The following HELQ variants were observed in gnomAD, a reference collection of about 807,000 sequenced individuals.
HELQ encodes the protein helicase, POLQ like.
HELQ carries 77 observed loss-of-function variants against 111.6 expected under a neutral mutation model. That is an observed-to-expected ratio of 0.69 (90% confidence interval 0.57 to 0.83). HELQ has a LOEUF of 0.83. HELQ is among the 40% of genes least tolerant of loss of function. HELQ has a pLI of 0.00. For synonymous variants in HELQ, 438 were observed against 454.7 expected, an observed-to-expected ratio of 0.96 and a Z score of 0.47; for missense variants, 1,200 against 1,288.5, an observed-to-expected ratio of 0.93 and a Z score of 1.05.
chr4:83,441,733 T>C (rs1720766318), intron 6 of HELQ, among the ~76,000 whole-genome samples: 1 of 151,946 alleles, frequency 6.6e-6, no homozygotes. Context: ...TTTACTAAGG[T>C]ATCATCTGTT....
In HELQ at chr4:83,407,384, T is replaced by C; in HGVS notation, c.*69A>G. 1.0e-6 allele frequency: 1 copy of C among 972,944 alleles called. No individual in the cohort carries two copies. Among genetic ancestry groups the C allele is most frequent in the Non-Finnish European group, 1.5e-6 (1 of 650,232 alleles). 60.3% of individuals were successfully genotyped at this position (972,944 alleles called of 1,614,324 possible). On this transcript the variant is annotated 3_prime_UTR_variant, in exon 18 of 18. Coordinates refer to ENST00000295488, the MANE Select transcript of HELQ (RefSeq NM_133636.5). ...GAAATGTATTTTTTCATTTATAAAG[T>C]ATAAGTTATCTTTAATAACACACAT...
At chr4:83,424,128 T>C (rs995582401) in intron 14 of HELQ, among the ~76,000 whole-genome samples, 6 of 152,214 alleles carry the variant, frequency 3.9e-5, no homozygotes, top group South Asian at 4.1e-4. Context: ...TTTAAATATG[T>C]ATCAATTTGG....
In HELQ at chr4:83,455,443, G is replaced by A; in HGVS notation, c.251C>T (p.Pro84Leu). 2 of 1,614,140 alleles carry A rather than the reference G, an allele frequency of 1.2e-6. No homozygotes were observed. Among genetic ancestry groups the A allele is most frequent in the Non-Finnish European group, 1.7e-6 (2 of 1,180,008 alleles). Residue 84 changes from proline to leucine, a missense_variant, in exon 1 of 18, where the codon CCG (proline) becomes CTG (leucine). Pro to Leu is a moderately conservative substitution (Grantham distance 98). Transcript: ENST00000295488. ...CLVLGGGDTN[P>L]DLLRHMPTDR... is the part of the protein sequence containing the mutation. ...AGTGGGCATGTGACGTAGGAGGTCC[G>A]GGTTTGTATCACCACCTCCAAGGAC...
At chr4:83,433,595 G>A (rs975562307) in intron 9 of HELQ, among the ~76,000 whole-genome samples, 1 of 151,342 alleles carries the variant, frequency 6.6e-6, no homozygotes, top group Admixed American at 6.6e-5. Flanking sequence ...GAACCCAGGA[G>A]GCGGAGCTTG....
intron 17 of HELQ, among the ~76,000 whole-genome samples, chr4:83,411,297 C>T (rs1386073266): frequency 6.9e-6 from 1 of 144,612 alleles, no homozygotes; most frequent in Non-Finnish European, 1.5e-5. Flanking sequence ...TGCCTTTGAA[C>T]TTTTTTTTTT....
chr4:83,425,323 T>C (rs1719790022), intron 14 of HELQ, among the ~76,000 whole-genome samples: 1 of 144,830 alleles, frequency 6.9e-6, no homozygotes, highest in Non-Finnish European at 1.5e-5. Flanking sequence ...GGAAGGTAAC[T>C]AGGTTTCAAT....
chr4:83,451,242 C>T (rs1578106185), intron 2 of HELQ, among the ~76,000 whole-genome samples: 1 of 150,826 alleles, frequency 6.6e-6, no homozygotes, highest in East Asian at 1.9e-4. Context: ...CTCTAACTTG[C>T]AAAAAAAAAT....
intron 5 of HELQ, 67 bp downstream of exon 5, chr4:83,445,947 G>T (rs1432862301): frequency 2.9e-6 from 3 of 1,026,252 alleles, no homozygotes; most frequent in Non-Finnish European, 4.6e-6. Context: ...GCTAGTGATA[G>T]AATTAAGTAT....
Position 83,429,707 on chromosome 4 carries a change from C to T in HELQ, c.2335G>A (p.Gly779Ser), listed in dbSNP as rs1460753556. ...NLDDIYHFMNGTFFGVQQKVL... is the reference protein window; with the variant it reads ...NLDDIYHFMNSTFFGVQQKVL... ...TTTTGCTGAACACCAAAAAATGTAC[C>T]ATTCATGAAATGATAGATGTCATCA... Residue 779 changes from glycine to serine, a missense_variant, in exon 12 of 18, where the codon GGT becomes AGT. Coordinates refer to ENST00000295488, the MANE Select transcript of HELQ (RefSeq NM_133636.5). 1 of 1,613,090 alleles carries T rather than the reference C, an allele frequency of 6.2e-7. No homozygotes were observed. The highest frequency in any genetic ancestry group is 1.1e-5 in the South Asian group (1 of 90,972).
At chr4:83,431,572 C>A in intron 11 of HELQ, 92 bp downstream of exon 11, 1 of 469,014 alleles carries the variant, frequency 2.1e-6, no homozygotes, top group Non-Finnish European at 3.7e-6. Flanking sequence ...AGTATAAAAT[C>A]TACACAGTTG....
chr4:83,425,082 C>T (rs1033560339), intron 14 of HELQ, among the ~76,000 whole-genome samples: 1 of 151,658 alleles, frequency 6.6e-6, no homozygotes, highest in Non-Finnish European at 1.5e-5. Flanking sequence ...GAGTTTGAGA[C>T]CAGCCTGGCC....
chr4:83,431,607 T>G (rs894925880), intron 11 of HELQ, 57 bp downstream of exon 11: 15 of 779,738 alleles, frequency 1.9e-5, no homozygotes, highest in African/African-American at 5.5e-5. Context: ...TTGCATAACT[T>G]TTTAACCTCT....
chr4:83,422,568 G>C (rs1054237262), intron 14 of HELQ, among the ~76,000 whole-genome samples: 1 of 152,194 alleles, frequency 6.6e-6, no homozygotes, highest in East Asian at 1.9e-4. Context: ...ATAAGCCAAG[G>C]AACACCAAGG....
chr4:83,439,504 T>G (rs1185162666), intron 8 of HELQ, among the ~76,000 whole-genome samples: 1 of 151,798 alleles, frequency 6.6e-6, no homozygotes, highest in Non-Finnish European at 1.5e-5. Context: ...GGATTATAGG[T>G]GCAAGGCACC....
intron 1 of HELQ, among the ~76,000 whole-genome samples, chr4:83,454,578 T>TAAAAA (rs1414976411): frequency 6.7e-6 from 1 of 149,448 alleles, no homozygotes; most frequent in African/African-American, 2.5e-5. Flanking sequence ...CCCGGCTAAT[T>TAAAAA]AAGAAAAAAA....
intron 6 of HELQ, among the ~76,000 whole-genome samples, chr4:83,441,827 G>A (rs947990465): frequency 6.9e-6 from 1 of 145,108 alleles, no homozygotes; most frequent in African/African-American, 2.6e-5. Flanking sequence ...GGCTTGGAGT[G>A]CAGTAGCATG....
intron 17 of HELQ, among the ~76,000 whole-genome samples, chr4:83,415,316 C>T (rs1404215401): frequency 6.6e-6 from 1 of 152,094 alleles, no homozygotes; most frequent in Admixed American, 6.6e-5. Flanking sequence ...GCAATAAGAG[C>T]TGTTTTTGAA....
intron 16 of HELQ, among the ~76,000 whole-genome samples, 156 bp from the exon 17 acceptor site, chr4:83,417,021 T>A (rs1386922016): frequency 6.6e-6 from 1 of 152,186 alleles, no homozygotes; most frequent in African/African-American, 2.4e-5. Flanking sequence ...GAGGAATTTT[T>A]AAAAATGCAT....
intron 2 of HELQ, among the ~76,000 whole-genome samples, chr4:83,452,908 T>C (rs965953312): frequency 1.3e-5 from 2 of 152,198 alleles, no homozygotes; most frequent in African/African-American, 4.8e-5. Context: ...ATTACCAACA[T>C]TGAATTTGGC....
Sources: gnomAD v4.1 joint callset for allele counts (sites outside exome capture counted in the v4.1 genomes callset) on GRCh38, gnomAD v4.1.1 for gene constraint, MANE v1.5 for transcripts, NCBI Gene and HGNC (gene_info 2026-07-23, HGNC 2026-07-21) for gene names.